RBM14: variants seen among roughly 807,000 people sequenced by gnomAD.
RBM14 encodes the protein RNA-binding protein 14.
RBM14 carries 5 observed loss-of-function variants against 52.8 expected under a neutral mutation model. The ratio of observed to expected loss-of-function variants is 0.09; its 90% CI spans 0.05 to 0.20. RBM14 has a LOEUF of 0.20. RBM14 is among the 10% of genes least tolerant of loss of function. RBM14 has a pLI of 1.00. For missense variants in RBM14, 780 were observed against 926.6 expected, an observed-to-expected ratio of 0.84 and a Z score of 2.05; for synonymous variants, 411 against 401.8, an observed-to-expected ratio of 1.02 and a Z score of -0.28.
In RBM14 at chr11:66,625,696, G is replaced by A. The variant is rs769653555; in HGVS notation, c.1802+18G>A. The A allele has an allele frequency of 9.0e-6, 14 of 1,553,018 alleles. No individual in the cohort carries two copies. The highest frequency in any genetic ancestry group is 1.2e-5 in the South Asian group (1 of 85,744). On this transcript the variant is annotated intron_variant, in intron 2 of 2. Coordinates refer to ENST00000310137, the MANE Select transcript of RBM14 (RefSeq NM_006328.4). This position sits in a 1 kb window ranked among gnomAD's most constrained non-coding sequence, Gnocchi z 4.2. Reference sequence around the variant, plus strand: ...TCGAAAAGGTACTGTATGCCCCCCCGCCTCTGCCCCCAGCTGGGGCTTAGG... The same window carrying A: ...TCGAAAAGGTACTGTATGCCCCCCCACCTCTGCCCCCAGCTGGGGCTTAGG...
chr11:66,624,179 C>A lies in RBM14; in HGVS notation c.338-35C>A, dbSNP rs376315702. 4.5e-6 allele frequency: 7 copies of A among 1,546,178 alleles called. No individual in the cohort carries two copies. The highest frequency in any genetic ancestry group is 2.5e-5 in the South Asian group (2 of 80,534). ...CCCATCAGGTAGCATGCCCTGCCCCCCTAATTGCTAACCCTCTGTCTGCTG... is the reference window on the plus strand; with the variant it reads ...CCCATCAGGTAGCATGCCCTGCCCCACTAATTGCTAACCCTCTGTCTGCTG... On this transcript the variant is annotated intron_variant, in intron 1 of 2. Transcript: ENST00000310137. The surrounding 1 kb of genome is among the most constrained non-coding windows in gnomAD (Gnocchi z 4.7).
At position 66,625,043 on chromosome 11, in the gene RBM14, A is replaced by T; in HGVS notation, c.1167A>T (p.Ala389=). The change falls in exon 2 of 3, where the codon GCA becomes GCT. Residue 389 remains alanine (A), a synonymous_variant. Transcript: ENST00000310137. This position sits in a 1 kb window ranked among gnomAD's most constrained non-coding sequence, Gnocchi z 4.2. ...CAGCCTCCTATGGGGCCCAGTCTGC[A>T]GCCTCCTCACTAGCTTATGGAGCCC... The part of the protein sequence containing the change: ...AQAASYGAQS[A]ASSLAYGAQA... 1 of 1,611,406 alleles carries T rather than the reference A, an allele frequency of 6.2e-7. No individual in the cohort carries two copies. Among genetic ancestry groups the T allele is most frequent in the South Asian group, 1.1e-5 (1 of 90,956 alleles).
At chr11:66,619,712 G>A (rs1384358700) in intron 1 of RBM14, among the ~76,000 whole-genome samples, 1 of 151,704 alleles carries the variant, frequency 6.6e-6, no homozygotes, top group Non-Finnish European at 1.5e-5. Flanking sequence ...GACTACAGGC[G>A]CCCGCCACCA....
At chr11:66,622,321 TC>T (rs765879561) in intron 1 of RBM14, among the ~76,000 whole-genome samples, 10 of 150,240 alleles carry the variant, frequency 6.7e-5, no homozygotes, top group Non-Finnish European at 1.2e-4. Context: ...AACTTCCACC[TC>T]CCAGGTTCAA....
chr11:66,617,791 A>C (rs7937246), intron 1 of RBM14, among the ~76,000 whole-genome samples: 1 of 152,242 alleles, frequency 6.6e-6, no homozygotes. Context: ...TTGCATGTGC[A>C]AGAAAGCTTG....
At chr11:66,617,704 G>C (rs1319332678) in intron 1 of RBM14, among the ~76,000 whole-genome samples, 1 of 152,218 alleles carries the variant, frequency 6.6e-6, no homozygotes, top group Non-Finnish European at 1.5e-5. Flanking sequence ...TGGCAGCTCT[G>C]TGCTTTTCTC....
chr11:66,622,073 G>T (rs1042316410), intron 1 of RBM14, among the ~76,000 whole-genome samples: 2 of 151,478 alleles, frequency 1.3e-5, no homozygotes. Flanking sequence ...CAGCCACCAC[G>T]CCCTGGTAAT....
At position 66,627,636 on chromosome 11, in the gene RBM14, T is replaced by C. The variant is rs771795297; in HGVS notation, c.*968T>C. The stretch of plus-strand genomic sequence containing the variant: ...GATGCCCATTTTCCTCTGCCTGTGC[T>C]TGACCATTTTCACTGACTTTTCTCC... On this transcript the variant is annotated 3_prime_UTR_variant, in exon 3 of 3. Coordinates refer to ENST00000310137, the MANE Select transcript of RBM14 (RefSeq NM_006328.4). Among the ~76,000 whole-genome samples the C allele has an allele frequency of 2.0e-5, 3 of 152,224 alleles. No homozygotes were observed. The highest frequency in any genetic ancestry group is 4.4e-5 in the Non-Finnish European group (3 of 68,036).
Position 66,628,050 on chromosome 11 carries a change from T to C in RBM14, c.*1382T>C, listed in dbSNP as rs1287258563. ...TTCAGATGTCCTCTCGCTGGGTTTATATTTGAAGGTATAGAATCTGGGAAA... is the reference window on the plus strand; with the variant it reads ...TTCAGATGTCCTCTCGCTGGGTTTACATTTGAAGGTATAGAATCTGGGAAA... On this transcript the variant is annotated 3_prime_UTR_variant, in exon 3 of 3. Coordinates refer to ENST00000310137, the MANE Select transcript of RBM14 (RefSeq NM_006328.4). Among the ~76,000 whole-genome samples, 2 of 152,144 alleles carry C rather than the reference T, an allele frequency of 1.3e-5. No individual in the cohort carries two copies. The highest frequency in any genetic ancestry group is 6.6e-5 in the Admixed American group (1 of 15,262).
Position 66,628,675 on chromosome 11 carries a change from G to A in RBM14, c.*2007G>A, listed in dbSNP as rs571709866. ...TTTTGATAAGTTTCTTGTTCTCTGC[G>A]TGGTGATGGGGTGGTCTGAGGGCCA... On this transcript the variant is annotated 3_prime_UTR_variant, in exon 3 of 3. Transcript: ENST00000310137. Among the ~76,000 whole-genome samples, 1 of 152,236 alleles carries A rather than the reference G, an allele frequency of 6.6e-6. No homozygotes were observed. Among genetic ancestry groups the A allele is most frequent in the Admixed American group, 6.5e-5 (1 of 15,294 alleles).
chr11:66,624,736 G>T lies in RBM14; in HGVS notation c.860G>T (p.Gly287Val). The change falls in exon 2 of 3, where the codon GGC (glycine) becomes GTC (valine). Residue 287 changes from glycine to valine, a missense_variant. Gly to Val is a moderately radical substitution (Grantham distance 109). This residue lies in a region of RBM14 where 675 missense variants were observed against 697.3 expected (regional missense o/e 0.97). Coordinates refer to ENST00000310137, the MANE Select transcript of RBM14 (RefSeq NM_006328.4). This position sits in a 1 kb window ranked among gnomAD's most constrained non-coding sequence, Gnocchi z 4.7. ...GTCTCCCTTGGGGCACCATACAGGG[G>T]CCAGCTGGCTAGTCCTAGCTCCCAG... ...PSVSLGAPYR[G>V]QLASPSSQSA... The T allele has an allele frequency of 1.2e-6, 2 of 1,613,982 alleles. No individual in the cohort carries two copies. The highest frequency in any genetic ancestry group is 2.2e-5 in the South Asian group (2 of 91,076).
At position 66,616,652 on chromosome 11, in the gene RBM14, C is replaced by G; in HGVS notation, c.-69C>G. ...GCCATTCCTGAGGAGGACTGCCGGT[C>G]GTTCGGACGTCTTGCCTGTCGCTGG... On this transcript the variant is annotated 5_prime_UTR_variant, in exon 1 of 3. Coordinates refer to ENST00000310137, the MANE Select transcript of RBM14 (RefSeq NM_006328.4). 6.7e-7 allele frequency: 1 copy of G among 1,495,402 alleles called. No individual in the cohort carries two copies. The highest frequency in any genetic ancestry group is 8.9e-7 in the Non-Finnish European group (1 of 1,120,058). The allele number at this position is 1,495,402 out of a possible 1,614,324, so 92.6% of individuals were successfully genotyped here. A position where few individuals can be genotyped will look rare whatever the true frequency, so the allele number is the denominator to read the frequency against.
chr11:66,625,140 G>A lies in RBM14; in HGVS notation c.1264G>A (p.Ala422Thr). The A allele has an allele frequency of 6.2e-7, 1 of 1,612,910 alleles. No homozygotes were observed. The highest frequency in any genetic ancestry group is 8.5e-7 in the Non-Finnish European group (1 of 1,179,978). ...GTCTGCCCCATATGCTGCACAGCAGGCTGCTTCCTACTCTTCCCAACCTGC... is the reference window on the plus strand; with the variant it reads ...GTCTGCCCCATATGCTGCACAGCAGACTGCTTCCTACTCTTCCCAACCTGC... ...AQSAPYAAQQAASYSSQPAAY... is the reference protein window; with the variant it reads ...AQSAPYAAQQTASYSSQPAAY... The change falls in exon 2 of 3, where the codon GCT becomes ACT. Residue 422 changes from alanine (A) to threonine (T), a missense_variant. By Grantham distance (58) the Ala-to-Thr change is moderately conservative. This residue lies in a region of RBM14 where 675 missense variants were observed against 697.3 expected (regional missense o/e 0.97). Coordinates refer to ENST00000310137, the MANE Select transcript of RBM14 (RefSeq NM_006328.4). The surrounding 1 kb of genome is among the most constrained non-coding windows in gnomAD (Gnocchi z 4.2).
rs143185352 is a variant in RBM14, at chr11:66,624,857, G to A, written c.981G>A (p.Ser327=). 71 of 1,613,588 alleles carry A rather than the reference G, an allele frequency of 4.4e-5. 1 individual carries two copies. The Middle Eastern group carries it at 6.6e-4, about 15-fold the overall frequency. The change falls in exon 2 of 3, where the codon TCG becomes TCA. Residue 327 remains serine (S), a synonymous_variant. Coordinates refer to ENST00000310137, the MANE Select transcript of RBM14 (RefSeq NM_006328.4). The surrounding 1 kb of genome is among the most constrained non-coding windows in gnomAD (Gnocchi z 4.7). ...SYGGQAAAAS[S]LNSYGAQGSS... ...GGGGTCAGGCAGCTGCAGCTTCTTC[G>A]CTCAACTCCTATGGGGCTCAGGGTT...
In RBM14 at chr11:66,616,943, C is replaced by T. The variant is rs1278037604; in HGVS notation, c.223C>T (p.Pro75Ser). 2 of 1,612,522 alleles carry T rather than the reference C, an allele frequency of 1.2e-6. No individual in the cohort carries two copies. The highest frequency in any genetic ancestry group is 1.7e-6 in the Non-Finnish European group (2 of 1,179,652). ...ALVVEMSRPRPLNTWKIFVGN... is the reference protein window; with the variant it reads ...ALVVEMSRPRSLNTWKIFVGN... ...CGTGGTGGAGATGTCGCGCCCAAGG[C>T]CTCTTAATACTTGGAAGATTTTCGT... Residue 75 changes from proline (P) to serine (S), a missense_variant, in exon 1 of 3, where the codon CCT (proline) becomes TCT (serine). Pro to Ser is a moderately conservative substitution (Grantham distance 74). Transcript: ENST00000310137.
At position 66,625,465 on chromosome 11, in the gene RBM14, C is replaced by T; in HGVS notation, c.1589C>T (p.Ala530Val). Residue 530 changes from alanine (A) to valine (V), a missense_variant, in exon 2 of 3, where the codon GCC becomes GTC. Ala to Val is a moderately conservative substitution (Grantham distance 64). Transcript: ENST00000310137. This position sits in a 1 kb window ranked among gnomAD's most constrained non-coding sequence, Gnocchi z 4.2. ...GCCTCATTGGCTGCTTCCTATGCTG[C>T]CCAGCAGCATCCCCAGGCTGCTGCC... ...SSASLAASYA[A>V]QQHPQAAASY... 2 of 1,613,536 alleles carry T rather than the reference C, an allele frequency of 1.2e-6. No individual in the cohort carries two copies. The highest frequency in any genetic ancestry group is 2.2e-5 in the South Asian group (2 of 91,062).
intron 1 of RBM14, among the ~76,000 whole-genome samples, chr11:66,622,549 A>G (rs1384508942): frequency 1.3e-5 from 2 of 152,218 alleles, no homozygotes; most frequent in Non-Finnish European, 1.5e-5. Flanking sequence ...CTAAGATCTT[A>G]TAACAAGTCA....
Position 66,626,677 on chromosome 11 carries a change from T to C in RBM14, c.*9T>C. The C allele has an allele frequency of 6.3e-7, 1 of 1,595,694 alleles. No individual in the cohort carries two copies. The highest frequency in any genetic ancestry group is 8.5e-7 in the Non-Finnish European group (1 of 1,171,066). On this transcript the variant is annotated 3_prime_UTR_variant, in exon 3 of 3. Coordinates refer to ENST00000310137, the MANE Select transcript of RBM14 (RefSeq NM_006328.4). ...ACCAGCGCCGCATGTAGGGCCATCC[T>C]GGGATGGGGCACCACAGGGAGGGAG...
intron 1 of RBM14, among the ~76,000 whole-genome samples, chr11:66,621,531 C>T (rs529595533): frequency 6.6e-6 from 1 of 152,192 alleles, no homozygotes; most frequent in African/African-American, 2.4e-5. Flanking sequence ...GCACATGCCA[C>T]CACAGCCGGC....
Sources: gnomAD v4.1 joint callset for allele counts (sites outside exome capture counted in the v4.1 genomes callset) on GRCh38, gnomAD v4.1.1 for gene constraint, gnomAD v4.1.1 regional missense constraint, Gnocchi (gnomAD v3.1) non-coding constraint, MANE v1.5 for transcripts, NCBI Gene and HGNC (gene_info 2026-07-23, HGNC 2026-07-21) for gene names.